Variants in MYBPC2 observed in about 807,000 individuals in gnomAD.
MYBPC2 encodes myosin binding protein C2.
In MYBPC2, 122 loss-of-function variants were observed where a neutral mutation model predicts 137.0. That is an observed-to-expected ratio of 0.89 (90% confidence interval 0.77 to 1.03). The LOEUF (loss-of-function observed/expected upper bound fraction) is 1.03, where lower values mean the gene tolerates loss of function less well. MYBPC2 is among the 50% of genes least tolerant of loss of function. The pLI is 0.00. For missense variants in MYBPC2, 1,500 were observed against 1,534.4 expected, an observed-to-expected ratio of 0.98 and a Z score of 0.37; for synonymous variants, 626 against 612.3, an observed-to-expected ratio of 1.02 and a Z score of -0.33.
rs1213862237 is a variant in MYBPC2, at chr19:50,459,038, C to T, written c.2595+32C>T. 3.2e-6 allele frequency: 5 copies of T among 1,577,676 alleles called. No individual in the cohort carries two copies. The African/African-American group carries it at 4.1e-5, about 13-fold the overall frequency. ...GGAGCGGGGTCACGGGCCGGGGGTCCGCTCTCGCCGCAAGCCCCCTTTTTG... is the reference window on the plus strand; with the variant it reads ...GGAGCGGGGTCACGGGCCGGGGGTCTGCTCTCGCCGCAAGCCCCCTTTTTG... On this transcript the variant is annotated intron_variant, in intron 22 of 27. Coordinates refer to ENST00000357701, the MANE Select transcript of MYBPC2 (RefSeq NM_004533.4).
intron 13 of MYBPC2, among the ~76,000 whole-genome samples, chr19:50,450,433 C>A (rs1425574541): frequency 2.0e-5 from 3 of 151,830 alleles, no homozygotes; most frequent in Non-Finnish European, 4.4e-5. Context: ...AGAACAGTAT[C>A]TATTTATTTA....
intron 20 of MYBPC2, among the ~76,000 whole-genome samples, chr19:50,456,140 TCCAC>T (rs1173595438): frequency 8.0e-5 from 11 of 137,870 alleles, no homozygotes; most frequent in African/African-American, 1.7e-4. Context: ...CATCCATCCA[TCCAC>T]CCACCCACCC....
chr19:50,442,667 G>A (rs1026215822), intron 9 of MYBPC2, among the ~76,000 whole-genome samples: 5 of 152,030 alleles, frequency 3.3e-5, no homozygotes, highest in South Asian at 4.2e-4. Flanking sequence ...AAGAGGTTGC[G>A]GTTGCGGTGA....
chr19:50,465,254 C>CG lies in MYBPC2; in HGVS notation c.3415+725dup, dbSNP rs1156778091. 1.3e-5 allele frequency among the ~76,000 whole-genome samples: 2 copies of CG among 152,174 alleles called. No homozygotes were observed. Among genetic ancestry groups the CG allele is most frequent in the African/African-American group, 4.8e-5 (2 of 41,438 alleles). On this transcript the variant is annotated intron_variant, in intron 27 of 27. Coordinates refer to ENST00000357701, the MANE Select transcript of MYBPC2 (RefSeq NM_004533.4). This position sits in a 1 kb window ranked among gnomAD's most constrained non-coding sequence, Gnocchi z 4.5. The stretch of plus-strand genomic sequence containing the variant: ...TTCCCACATGATGTCCCAGCCACAC[C>CG]GGGCTGTTGGCAGTTACACTGGCCA...
At position 50,435,230 on chromosome 19, in the gene MYBPC2, C is replaced by T. The variant is rs1254132962; in HGVS notation, c.89C>T (p.Ala30Val). Residue 30 changes from alanine (A) to valine (V), a missense_variant, in exon 2 of 28, where the codon GCT becomes GTT. Coordinates refer to ENST00000357701, the MANE Select transcript of MYBPC2 (RefSeq NM_004533.4). This position sits in a 1 kb window ranked among gnomAD's most constrained non-coding sequence, Gnocchi z 4.8. ...CCCAAGGAGGCTCCCCCTAAGGAGG[C>T]TCCTGCAGAGGCCCCCAAAGGTGAG... Reference protein sequence around the residue: ...GAPKEAPPKEAPAEAPKEAPP... With the variant: ...GAPKEAPPKEVPAEAPKEAPP... 7.0e-6 allele frequency: 9 copies of T among 1,284,022 alleles called. No homozygotes were observed. Among genetic ancestry groups the T allele is most frequent in the African/African-American group, 4.4e-5 (3 of 68,394 alleles). 79.5% of individuals were successfully genotyped at this position (1,284,022 alleles called of 1,614,324 possible).
rs377670684 is a variant in MYBPC2, at chr19:50,440,995, G to A, written c.688G>A (p.Ala230Thr). The A allele has an allele frequency of 1.5e-5, 24 of 1,612,802 alleles. No homozygotes were observed. The highest frequency in any genetic ancestry group is 5.3e-5 in the African/African-American group (4 of 74,852). ...AAAGAAGAGCGAGTACGAGAAAATC[G>A]CCTTCCAGTATGGCATCACCGACCT... ...GAKKSEYEKI[A>T]FQYGITDLRG... Residue 230 changes from alanine to threonine, a missense_variant, in exon 8 of 28, where the codon GCC becomes ACC. By Grantham distance (58) the Ala-to-Thr change is moderately conservative (BLOSUM62 0). Coordinates refer to ENST00000357701, the MANE Select transcript of MYBPC2 (RefSeq NM_004533.4).
In MYBPC2 at chr19:50,436,017, G is replaced by A; in HGVS notation, c.202G>A (p.Asp68Asn). The A allele has an allele frequency of 9.5e-6, 15 of 1,579,034 alleles. No individual in the cohort carries two copies. Among genetic ancestry groups the A allele is most frequent in the Non-Finnish European group, 1.2e-5 (14 of 1,162,254 alleles). The change falls in exon 4 of 28, where the codon GAC (aspartate) becomes AAC (asparagine). Residue 68 changes from aspartate (D) to asparagine (N), a missense_variant. Asp to Asn is a conservative substitution (Grantham distance 23). Coordinates refer to ENST00000357701, the MANE Select transcript of MYBPC2 (RefSeq NM_004533.4). ...PDSVSVETGKDAVVVAKVNGK... is the reference protein window; with the variant it reads ...PDSVSVETGKNAVVVAKVNGK... Reference sequence around the variant, plus strand: ...CTGTCACTCACCCCATGTAGGGAAGGACGCAGTGGTCGTGGCCAAGGTGAA... The same window carrying A: ...CTGTCACTCACCCCATGTAGGGAAGAACGCAGTGGTCGTGGCCAAGGTGAA...
chr19:50,448,457 C>G, intron 13 of MYBPC2, 67 bp downstream of exon 13: 1 of 1,525,438 alleles, frequency 6.6e-7, no homozygotes, highest in Non-Finnish European at 8.8e-7. Context: ...AGCTGTGTAA[C>G]AAGCTGTCCC....
chr19:50,454,171 A>G lies in MYBPC2; in HGVS notation c.1901A>G (p.Gln634Arg), dbSNP rs543089529. ...GAGGACGTGGCTTCCATCTTCCTGCAAGTTGTAGGTGAGCAGAGAAAGCCG... is the reference window on the plus strand; with the variant it reads ...GAGGACGTGGCTTCCATCTTCCTGCGAGTTGTAGGTGAGCAGAGAAAGCCG... ...VGEDVASIFL[Q>R]VVDVPDPPEA... Residue 634 changes from glutamine (Q) to arginine (R), a missense_variant, in exon 17 of 28, where the codon CAA becomes CGA. Transcript: ENST00000357701. The G allele has an allele frequency of 8.7e-6, 14 of 1,613,870 alleles. No individual in the cohort carries two copies. In the East Asian group the frequency reaches 2.0e-4, roughly 23 times the overall value.
In MYBPC2 at chr19:50,454,348, G is replaced by A. The variant is rs759624690; in HGVS notation, c.1993G>A (p.Asp665Asn). ...CCTTGTCTGGGAGCCACCAATGTAC[G>A]ATGGGGGGAAGCCAGTCACCGGTGA... ...AILVWEPPMY[D>N]GGKPVTGYLV... The change falls in exon 18 of 28, where the codon GAT becomes AAT. Residue 665 changes from aspartate to asparagine, a missense_variant. By Grantham distance (23) the Asp-to-Asn change is conservative (BLOSUM62 1). Transcript: ENST00000357701. The A allele has an allele frequency of 3.0e-5, 49 of 1,611,366 alleles. No individual in the cohort carries two copies. Among genetic ancestry groups the A allele is most frequent in the East Asian group, 4.5e-5 (2 of 44,848 alleles).
At position 50,458,960 on chromosome 19, in the gene MYBPC2, A is replaced by C. The variant is rs772321246; in HGVS notation, c.2549A>C (p.Tyr850Ser). The change falls in exon 22 of 28, where the codon TAC (tyrosine) becomes TCC (serine). Residue 850 changes from tyrosine (Y) to serine (S), a missense_variant. By Grantham distance (144) the Tyr-to-Ser change is moderately radical (BLOSUM62 -2). Coordinates refer to ENST00000357701, the MANE Select transcript of MYBPC2 (RefSeq NM_004533.4). The stretch of plus-strand genomic sequence containing the variant: ...CTTCCCCGCCATCTCCGCCAGACCT[A>C]CATCCGCAAAGTGGGCGAGCAGCTC... ...IRLPRHLRQT[Y>S]IRKVGEQLNL... is the part of the protein sequence containing the mutation. The C allele has an allele frequency of 1.9e-6, 3 of 1,612,716 alleles. No individual in the cohort carries two copies. The highest frequency in any genetic ancestry group is 2.5e-6 in the Non-Finnish European group (3 of 1,179,612).
intron 26 of MYBPC2, 128 bp downstream of exon 26, chr19:50,462,164 TA>T: frequency 7.5e-7 from 1 of 1,334,540 alleles, no homozygotes; most frequent in Middle Eastern, 2.7e-4. Flanking sequence ...TTTAGTCACT[TA>T]AAAAATTTTT....
chr19:50,436,609 G>A lies in MYBPC2; in HGVS notation c.346-8G>A. The A allele has an allele frequency of 1.2e-6, 2 of 1,613,008 alleles. No homozygotes were observed. Among genetic ancestry groups the A allele is most frequent in the Non-Finnish European group, 1.7e-6 (2 of 1,179,126 alleles). On this transcript the variant is annotated splice_polypyrimidine_tract_variant and splice_region_variant and intron_variant, in intron 4 of 27. Coordinates refer to ENST00000357701, the MANE Select transcript of MYBPC2 (RefSeq NM_004533.4). Reference sequence around the variant, plus strand: ...CCCGTGCACCCACACCCCCGGCCCTGGACCCAGGTGTACACCGTGGAGCTG... The same window carrying A: ...CCCGTGCACCCACACCCCCGGCCCTAGACCCAGGTGTACACCGTGGAGCTG...
rs1345432701 is a variant in MYBPC2, at chr19:50,455,124, G to A, written c.2031G>A (p.Arg677=). 1 of 1,612,826 alleles carries A rather than the reference G, an allele frequency of 6.2e-7. No homozygotes were observed. Among genetic ancestry groups the A allele is most frequent in the East Asian group, 2.2e-5 (1 of 44,870 alleles). Residue 677 remains arginine, a synonymous_variant, in exon 19 of 28, where the codon CGG becomes CGA. Transcript: ENST00000357701. ...GKPVTGYLVE[R]KKKGSQRWMK... ...AGCCTCCAGGGTACCTCGTAGAGCG[G>A]AAGAAGAAGGGCTCTCAGCGCTGGA...
chr19:50,447,079 G>A (rs1170835426), intron 12 of MYBPC2, among the ~76,000 whole-genome samples: 1 of 151,732 alleles, frequency 6.6e-6, no homozygotes, highest in East Asian at 1.9e-4. Flanking sequence ...GCCTGGACTG[G>A]TGCAGTTGTC....
At chr19:50,462,344 G>T (rs1048648041) in intron 26 of MYBPC2, among the ~76,000 whole-genome samples, 3 of 151,860 alleles carry the variant, frequency 2.0e-5, no homozygotes, top group Non-Finnish European at 4.4e-5. Context: ...GAACCACTGT[G>T]GCCAGCTAAT....
intron 15 of MYBPC2, 135 bp downstream of exon 15, chr19:50,451,444 A>G: frequency 2.6e-6 from 1 of 391,230 alleles, no homozygotes. Flanking sequence ...TGGGGAGAGG[A>G]AGGAGGGGGT....
Position 50,441,825 on chromosome 19 carries a change from G to A in MYBPC2, c.770-356G>A, listed in dbSNP as rs531481128. On this transcript the variant is annotated intron_variant, in intron 8 of 27. Transcript: ENST00000357701. ...GTGGCACTCCAGCCTGGGGAACAGA[G>A]TGAGACTCTGTCTCAAAAAAATAAA... Among the ~76,000 whole-genome samples the A allele has an allele frequency of 6.5e-4, 98 of 151,396 alleles. No homozygotes were observed. The Middle Eastern group carries it at 0.01, about 16-fold the overall frequency.
chr19:50,460,811 C>G (rs1243745766), intron 24 of MYBPC2, among the ~76,000 whole-genome samples: 1 of 151,846 alleles, frequency 6.6e-6, no homozygotes, highest in Admixed American at 6.6e-5. Context: ...GATTCCCCCC[C>G]ATCTCAGCCT....
Sources: gnomAD v4.1 joint callset for allele counts (sites outside exome capture counted in the v4.1 genomes callset) on GRCh38, gnomAD v4.1.1 for gene constraint, Gnocchi (gnomAD v3.1) non-coding constraint, MANE v1.5 for transcripts, NCBI Gene and HGNC (gene_info 2026-07-23, HGNC 2026-07-21) for gene names.